KCNG3: variants seen among roughly 807,000 people sequenced by gnomAD.
KCNG3 encodes voltage-gated potassium channel regulatory subunit KCNG3.
In KCNG3, 15 loss-of-function variants were observed where a neutral mutation model predicts 29.0. That is an observed-to-expected ratio of 0.52 (90% CI 0.35 to 0.80). The LOEUF (loss-of-function observed/expected upper bound fraction) is 0.80, where lower values mean the gene tolerates loss of function less well. Ranked by LOEUF, KCNG3 falls within the 30% of genes least tolerant of loss-of-function variation. The pLI is 0.01. For missense variants in KCNG3, 512 were observed against 605.7 expected, an observed-to-expected ratio of 0.85 and a Z score of 1.62; for synonymous variants, 322 against 248.9, an observed-to-expected ratio of 1.29 and a Z score of -2.76.
the KCNG3 span, among the ~76,000 whole-genome samples, chr2:42,407,867 A>G: frequency 6.6e-6 from 1 of 152,254 alleles, no homozygotes; most frequent in African/African-American, 2.4e-5. Flanking sequence ...ACTCTGGGGC[A>G]GCTGCAGCCA....
chr2:42,417,518 C>T, the KCNG3 span, among the ~76,000 whole-genome samples: 1 of 152,046 alleles, frequency 6.6e-6, no homozygotes, highest in African/African-American at 2.4e-5. Context: ...ACAGGGGTTT[C>T]ACTATGTTGC....
chr2:42,448,337 C>T (rs2103667487), intron 1 of KCNG3, among the ~76,000 whole-genome samples: 1 of 143,484 alleles, frequency 7.0e-6, no homozygotes, highest in South Asian at 2.3e-4. Context: ...ATCCTGCCCA[C>T]TTCCCACTTA....
the KCNG3 span, among the ~76,000 whole-genome samples, chr2:42,402,492 C>A: frequency 6.6e-6 from 1 of 152,302 alleles, no homozygotes; most frequent in East Asian, 1.9e-4. Context: ...TCAAGACCAG[C>A]CTGGGCAACA....
chr2:42,389,918 T>C, the KCNG3 span, among the ~76,000 whole-genome samples: 94,795 of 152,040 alleles, frequency 0.62, 30,262 homozygotes, highest in East Asian at 0.77. Context: ...TTATTCATTG[T>C]TTTGGGGTAT....
Position 42,451,138 on chromosome 2 carries a change from G to A in KCNG3, c.666-6559C>T, listed in dbSNP as rs528100817. 5.9e-5 allele frequency among the ~76,000 whole-genome samples: 8 copies of A among 134,666 alleles called. No individual in the cohort carries two copies. The East Asian group carries it at 1.9e-3, about 31-fold the overall frequency. 88.3% of individuals were successfully genotyped at this position (134,666 alleles called of 152,430 possible). A position where few individuals can be genotyped will look rare whatever the true frequency, so the allele number is the denominator to read the frequency against. ...GAGAACTGCTTGAACCTGAAAGGCAGAGGTCGCAGTGAGCTGAGATAGTAC... is the reference window on the plus strand; with the variant it reads ...GAGAACTGCTTGAACCTGAAAGGCAAAGGTCGCAGTGAGCTGAGATAGTAC... On this transcript the variant is annotated intron_variant, in intron 1 of 1. Coordinates refer to ENST00000306078, the MANE Select transcript of KCNG3 (RefSeq NM_133329.6).
At chr2:42,491,547 T>C (rs895486945) in intron 1 of KCNG3, among the ~76,000 whole-genome samples, 3 of 152,182 alleles carry the variant, frequency 2.0e-5, no homozygotes, top group African/African-American at 4.8e-5. Flanking sequence ...ATTAATTTCA[T>C]TGTATTGTTG....
intron 1 of KCNG3, among the ~76,000 whole-genome samples, chr2:42,461,071 G>A (rs1673004417): frequency 6.6e-6 from 1 of 151,348 alleles, no homozygotes. Context: ...TGAGGCAGGA[G>A]GATGGCGTGA....
At chr2:42,476,450 C>A (rs1273530246) in intron 1 of KCNG3, among the ~76,000 whole-genome samples, 1 of 151,806 alleles carries the variant, frequency 6.6e-6, no homozygotes, top group Non-Finnish European at 1.5e-5. Flanking sequence ...GTAATCCAGC[C>A]TGGACAACAG....
At chr2:42,398,669 A>G in the KCNG3 span, among the ~76,000 whole-genome samples, 1 of 152,236 alleles carries the variant, frequency 6.6e-6, no homozygotes, top group Non-Finnish European at 1.5e-5. Flanking sequence ...GATGTCAACA[A>G]GCTGTGAACA....
chr2:42,465,249 C>T (rs1305733462), intron 1 of KCNG3, among the ~76,000 whole-genome samples: 1 of 149,570 alleles, frequency 6.7e-6, no homozygotes, highest in Non-Finnish European at 1.5e-5. Context: ...CAGGGTTTGG[C>T]TCTGTCGCTC....
At chr2:42,407,544 T>A in the KCNG3 span, among the ~76,000 whole-genome samples, 1 of 152,102 alleles carries the variant, frequency 6.6e-6, no homozygotes, top group Non-Finnish European at 1.5e-5. Flanking sequence ...CTCTTCTGAA[T>A]TGGTGGGGTG....
At chr2:42,474,312 G>A (rs1475901115) in intron 1 of KCNG3, among the ~76,000 whole-genome samples, 1 of 151,912 alleles carries the variant, frequency 6.6e-6, no homozygotes, top group African/African-American at 2.4e-5. Flanking sequence ...CGGATCACCT[G>A]AGTTCAGGAG....
intron 1 of KCNG3, among the ~76,000 whole-genome samples, chr2:42,471,285 G>C (rs1479185419): frequency 1.3e-5 from 2 of 151,916 alleles, no homozygotes; most frequent in Admixed American, 6.6e-5. Flanking sequence ...ACTGATGAAT[G>C]GGTAAACAAC....
At chr2:42,435,087 G>A in the KCNG3 span, among the ~76,000 whole-genome samples, 1 of 152,146 alleles carries the variant, frequency 6.6e-6, no homozygotes, top group Non-Finnish European at 1.5e-5. Context: ...TGGATCACCT[G>A]AGGTCAGGAG....
chr2:42,409,699 CAAAAAAAAA>C, the KCNG3 span, among the ~76,000 whole-genome samples: 13,388 of 51,756 alleles, frequency 0.26, 794 homozygotes, highest in Middle Eastern at 0.42. Flanking sequence ...GTGCCTGTCT[CAAAAAAAAA>C]AAAAAAAAAA....
chr2:42,408,151 A>T, the KCNG3 span, among the ~76,000 whole-genome samples: 2 of 152,154 alleles, frequency 1.3e-5, no homozygotes, highest in Admixed American at 1.3e-4. Context: ...GGCTGAGGGC[A>T]GCTCAGCACT....
rs1455054661 is a variant in KCNG3 at position 42,493,447 on chromosome 2, G to C, written c.55C>G (p.Arg19Gly). 1 of 1,467,550 alleles carries C rather than the reference G, an allele frequency of 6.8e-7. No homozygotes were observed. Among genetic ancestry groups the C allele is most frequent in the South Asian group, 1.4e-5 (1 of 71,618 alleles). 90.9% of individuals were successfully genotyped at this position (1,467,550 alleles called of 1,614,324 possible). A position where few individuals can be genotyped will look rare whatever the true frequency, so the allele number is the denominator to read the frequency against. Residue 19 changes from arginine (R) to glycine (G), a missense_variant, in exon 1 of 2, where the codon CGG (arginine) becomes GGG (glycine). This residue lies in a region of KCNG3 where 18 missense variants were observed against 36.1 expected (regional missense o/e 0.50). Coordinates refer to ENST00000306078, the MANE Select transcript of KCNG3 (RefSeq NM_133329.6). Reference sequence around the variant, plus strand: ...AGCAGCTCCCGGGACAGCGAATACCGGGCGCCGCCCACGTTCAGCACCACC... The same window carrying C: ...AGCAGCTCCCGGGACAGCGAATACCCGGCGCCGCCCACGTTCAGCACCACC... ...ASVVLNVGGA[R>G]YSLSRELLKD...
Position 42,444,292 on chromosome 2 carries a change from C to A in KCNG3, c.953G>T (p.Arg318Leu). 6.2e-7 allele frequency: 1 copy of A among 1,614,180 alleles called. No individual in the cohort carries two copies. Among genetic ancestry groups the A allele is most frequent in the Non-Finnish European group, 8.5e-7 (1 of 1,180,032 alleles). The change falls in exon 2 of 2, where the codon CGT becomes CTT. Residue 318 changes from arginine to leucine, a missense_variant. Around this residue, in one of 5 missense-constraint regions of KCNG3, gnomAD observed 173 missense variants for 262.4 expected, o/e 0.66. Coordinates refer to ENST00000306078, the MANE Select transcript of KCNG3 (RefSeq NM_133329.6). This position sits in a 1 kb window ranked among gnomAD's most constrained non-coding sequence, Gnocchi z 5.8. ...GLQTLGLTLK[R>L]CYREMVMLLV... ...TAACATAACCATCTCTCGGTAGCAA[C>A]GTTTGAGAGTCAAACCGAGTGTCTG...
the KCNG3 span, among the ~76,000 whole-genome samples, chr2:42,416,247 A>G: frequency 6.6e-6 from 1 of 152,206 alleles, no homozygotes; most frequent in African/African-American, 2.4e-5. Flanking sequence ...AGCTACAGAT[A>G]GGAGAAATAT....
Sources: gnomAD v4.1 joint callset for allele counts (sites outside exome capture counted in the v4.1 genomes callset) on GRCh38, gnomAD v4.1.1 for gene constraint, gnomAD v4.1.1 regional missense constraint, Gnocchi (gnomAD v3.1) non-coding constraint, MANE v1.5 for transcripts, NCBI Gene and HGNC (gene_info 2026-07-23, HGNC 2026-07-21) for gene names.